Variants in CCDC179 observed in about 807,000 individuals in gnomAD.
CCDC179 encodes coiled-coil domain-containing protein 179.
A neutral mutation model predicts 12.0 loss-of-function variants in CCDC179; 17 were observed. The observed-to-expected ratio is 1.42, with a 90% CI of 0.97 to 2.13. The LOEUF (loss-of-function observed/expected upper bound fraction) is 2.13, where lower values mean the gene tolerates loss of function less well. Ranked by LOEUF, CCDC179 falls within the 30% of genes most tolerant of loss-of-function variation. CCDC179 has a pLI of 0.00. For missense variants in CCDC179, 83 were observed against 78.6 expected, an observed-to-expected ratio of 1.06 and a Z score of -0.21; for synonymous variants, 27 against 26.4, an observed-to-expected ratio of 1.02 and a Z score of -0.07.
chr11:22,856,346 G>T (rs1450925842), intron 3 of CCDC179, among the ~76,000 whole-genome samples: 1 of 151,490 alleles, frequency 6.6e-6, no homozygotes, highest in Admixed American at 6.6e-5. Flanking sequence ...AAGAATGTAA[G>T]GCTGTTTCAA....
chr11:22,854,143 C>A (rs1858482816), intron 3 of CCDC179, among the ~76,000 whole-genome samples: 1 of 151,600 alleles, frequency 6.6e-6, no homozygotes, highest in Admixed American at 6.6e-5. Flanking sequence ...CTTCTTCAGA[C>A]AAACAAAAAC....
Position 22,847,483 on chromosome 11 carries a change from G to T in CCDC179, c.*27C>A. ...TCCACATATTTCTGTCTGGAGCATG[G>T]TTTCCTTCAAATAGACTCCTGCTTT... On this transcript the variant is annotated 3_prime_UTR_variant, in exon 4 of 4. Transcript: ENST00000532798. 7.1e-7 allele frequency: 1 copy of T among 1,409,236 alleles called. No homozygotes were observed. Among genetic ancestry groups the T allele is most frequent in the Non-Finnish European group, 9.4e-7 (1 of 1,058,778 alleles). 87.3% of individuals were successfully genotyped at this position (1,409,236 alleles called of 1,614,324 possible). A position where few individuals can be genotyped will look rare whatever the true frequency, so the allele number is the denominator to read the frequency against.
intron 3 of CCDC179, among the ~76,000 whole-genome samples, chr11:22,856,827 A>G (rs1858539744): frequency 6.6e-6 from 1 of 151,638 alleles, no homozygotes; most frequent in Non-Finnish European, 1.5e-5. Flanking sequence ...AATTATAGTA[A>G]GATTAGAGGA....
intron 3 of CCDC179, among the ~76,000 whole-genome samples, chr11:22,856,269 A>G (rs576826642): frequency 6.6e-6 from 1 of 151,650 alleles, no homozygotes; most frequent in South Asian, 2.1e-4. Context: ...AAAAATTCTC[A>G]ACAAAATATT....
At position 22,859,641 on chromosome 11, in the gene CCDC179, CAAAAAG is replaced by C. The variant is rs141177520; in HGVS notation, c.46-151_46-146del. The C allele has an allele frequency of 1.3e-3, 578 of 447,628 alleles. 4 individuals are homozygous for C. Among genetic ancestry groups the C allele is most frequent in the African/African-American group, 0.01 (505 of 49,218 alleles). 27.7% of individuals were successfully genotyped at this position (447,628 alleles called of 1,614,324 possible). A position where few individuals can be genotyped will look rare whatever the true frequency, so the allele number is the denominator to read the frequency against. On this transcript the variant is annotated intron_variant, in intron 1 of 3. Transcript: ENST00000532798. The stretch of plus-strand genomic sequence containing the variant: ...AACTATAAGAAGCAGGTTAAAAAAA[CAAAAAG>C]AAAAAAGTCAAGTTCAGAATAAAAA...
At chr11:22,850,939 G>GAT (rs1564914940) in intron 3 of CCDC179, among the ~76,000 whole-genome samples, 1 of 55,684 alleles carries the variant, frequency 1.8e-5, no homozygotes, top group Admixed American at 2.8e-4. Flanking sequence ...TGTTGCATAG[G>GAT]CTATATATAT....
In CCDC179 at chr11:22,859,485, T is replaced by C; in HGVS notation, c.57A>G (p.Arg19=). 6.7e-7 allele frequency: 1 copy of C among 1,498,340 alleles called. No homozygotes were observed. The highest frequency in any genetic ancestry group is 8.9e-7 in the Non-Finnish European group (1 of 1,125,802). The allele number at this position is 1,498,340 out of a possible 1,614,324, so 92.8% of individuals were successfully genotyped here. A position where few individuals can be genotyped will look rare whatever the true frequency, so the allele number is the denominator to read the frequency against. ...EPSQVNPEGP[R]QHHPSEVTER... is the part of the protein sequence containing the mutation. ...CAGTGACCTCTGAAGGATGATGTTGTCTTGGTCCTTCCTATATAATAAACA... is the reference window on the plus strand; with the variant it reads ...CAGTGACCTCTGAAGGATGATGTTGCCTTGGTCCTTCCTATATAATAAACA... The change falls in exon 2 of 4, where the codon AGA becomes AGG. Residue 19 remains arginine, a synonymous_variant. Coordinates refer to ENST00000532798, the MANE Select transcript of CCDC179 (RefSeq NM_001195637.2).
chr11:22,852,146 AGTT>A (rs915382336), intron 3 of CCDC179, among the ~76,000 whole-genome samples: 7 of 152,184 alleles, frequency 4.6e-5, no homozygotes, highest in Non-Finnish European at 2.9e-5. Context: ...GCAAAGAAGA[AGTT>A]GTGAAATTTA....
At chr11:22,860,300 C>T in intron 1 of CCDC179, 77 bp downstream of exon 1, 1 of 1,468,052 alleles carries the variant, frequency 6.8e-7, no homozygotes, top group Non-Finnish European at 9.1e-7. Flanking sequence ...AGCACCATGG[C>T]CAAGGCCACA....
chr11:22,850,940 C>CCATATATATA (rs1401824398), intron 3 of CCDC179, among the ~76,000 whole-genome samples: 1 of 16,526 alleles, frequency 6.1e-5, no homozygotes, highest in Non-Finnish European at 1.1e-4. Context: ...GTTGCATAGG[C>CCATATATATA]TATATATATA....
intron 3 of CCDC179, among the ~76,000 whole-genome samples, chr11:22,848,137 T>A (rs1858271464): frequency 6.6e-6 from 1 of 152,194 alleles, no homozygotes. Flanking sequence ...ATATAATTTT[T>A]AAAAGGTTTT....
At position 22,847,213 on chromosome 11, in the gene CCDC179, T is replaced by G. The variant is rs1471876775; in HGVS notation, c.*297A>C. On this transcript the variant is annotated 3_prime_UTR_variant, in exon 4 of 4. Coordinates refer to ENST00000532798, the MANE Select transcript of CCDC179 (RefSeq NM_001195637.2). ...ATGTCATAAAACATTTGCAAAAATTTAAATGAGAATAATATTTTTCAAAAG... is the reference window on the plus strand; with the variant it reads ...ATGTCATAAAACATTTGCAAAAATTGAAATGAGAATAATATTTTTCAAAAG... The G allele has an allele frequency of 4.3e-6, 1 of 230,800 alleles. No individual in the cohort carries two copies. The highest frequency in any genetic ancestry group is 2.3e-5 in the African/African-American group (1 of 44,266). 14.3% of individuals were successfully genotyped at this position (230,800 alleles called of 1,614,324 possible).
chr11:22,858,038 T>G lies in CCDC179; in HGVS notation c.91-12A>C. ...CGTTTATTTGCAAGCTTTAGAAAAA[T>G]TAAAATGAAAGAAAAATCATACTTT... On this transcript the variant is annotated splice_polypyrimidine_tract_variant and intron_variant, in intron 2 of 3. Transcript: ENST00000532798. The G allele has an allele frequency of 6.9e-7, 1 of 1,443,410 alleles. No homozygotes were observed. Among genetic ancestry groups the G allele is most frequent in the Non-Finnish European group, 9.2e-7 (1 of 1,088,192 alleles). The allele number at this position is 1,443,410 out of a possible 1,614,324, so 89.4% of individuals were successfully genotyped here.
At chr11:22,853,517 A>G (rs1024277999) in intron 3 of CCDC179, among the ~76,000 whole-genome samples, 6 of 152,130 alleles carry the variant, frequency 3.9e-5, no homozygotes, top group African/African-American at 1.4e-4. Flanking sequence ...ACTCAGAGGA[A>G]AAAAACTAAT....
intron 3 of CCDC179, among the ~76,000 whole-genome samples, chr11:22,850,419 G>A (rs1435095562): frequency 2.6e-5 from 4 of 152,156 alleles, no homozygotes; most frequent in Non-Finnish European, 5.9e-5. Context: ...TGCTGCGAAT[G>A]CCATTATTTT....
At position 22,857,977 on chromosome 11, in the gene CCDC179, C is replaced by A; in HGVS notation, c.140G>T (p.Arg47Met). 2.0e-6 allele frequency: 3 copies of A among 1,528,284 alleles called. No individual in the cohort carries two copies. The highest frequency in any genetic ancestry group is 2.6e-6 in the Non-Finnish European group (3 of 1,143,530). 94.7% of individuals were successfully genotyped at this position (1,528,284 alleles called of 1,614,324 possible). ...QNMQHLKKEKRRLNKRFSRPS... is the reference protein window; with the variant it reads ...QNMQHLKKEKMRLNKRFSRPS... ...CCTTGAAAACCTTTTATTCAGTCTC[C>A]TCTTCTCTTTCTTTAGGTGTTGCAT... Residue 47 changes from arginine to methionine, a missense_variant, in exon 3 of 4, where the codon AGG becomes ATG. By Grantham distance (91) the Arg-to-Met change is moderately conservative. Transcript: ENST00000532798.
intron 1 of CCDC179, among the ~76,000 whole-genome samples, chr11:22,859,714 A>G (rs1858617840): frequency 6.6e-6 from 1 of 152,252 alleles, no homozygotes; most frequent in Non-Finnish European, 1.5e-5. Flanking sequence ...AGACGATATT[A>G]TGATAAAAAA....
intron 3 of CCDC179, among the ~76,000 whole-genome samples, chr11:22,851,487 C>G (rs1394809344): frequency 6.6e-6 from 1 of 152,150 alleles, no homozygotes; most frequent in Non-Finnish European, 1.5e-5. Context: ...TTATTTGCAG[C>G]TAGGGGTGGC....
intron 3 of CCDC179, among the ~76,000 whole-genome samples, chr11:22,855,333 A>T (rs1446231784): frequency 6.6e-6 from 1 of 151,726 alleles, no homozygotes; most frequent in Non-Finnish European, 1.5e-5. Context: ...TTAAAAGGAT[A>T]GAAATCATAC....
Sources: allele counts gnomAD v4.1 joint callset (sites outside exome capture counted in the v4.1 genomes callset), GRCh38; gene constraint gnomAD v4.1.1; transcripts MANE v1.5; gene names NCBI Gene and HGNC (gene_info 2026-07-23, HGNC 2026-07-21).